TUSC3: variants seen among roughly 807,000 people sequenced by gnomAD.
TUSC3 encodes dolichyl-diphosphooligosaccharide--protein glycosyltransferase subunit TUSC3.
In TUSC3, 45 loss-of-function variants were observed where a neutral mutation model predicts 44.8. The ratio of observed to expected loss-of-function variants is 1.00; its 90% CI spans 0.79 to 1.29. TUSC3 has a LOEUF of 1.29. Among genes scored for constraint, TUSC3 ranks in the 50% most tolerant of loss-of-function variants. The pLI, the probability that TUSC3 is intolerant of heterozygous loss-of-function variation, is 0.00. For missense variants in TUSC3, 519 were observed against 437.9 expected, an observed-to-expected ratio of 1.19 and a Z score of -1.65; for synonymous variants, 212 against 152.9, an observed-to-expected ratio of 1.39 and a Z score of -2.85.
At chr8:15,750,936 T>G (rs1811671387) in intron 9 of TUSC3, among the ~76,000 whole-genome samples, 1 of 151,958 alleles carries the variant, frequency 6.6e-6, no homozygotes, top group Non-Finnish European at 1.5e-5. Flanking sequence ...ATGAAAACCC[T>G]AAGGAGGAGC....
At position 15,730,813 on chromosome 8, in the gene TUSC3, A is replaced by G; in HGVS notation, c.862+84A>G. 2.2e-6 allele frequency: 3 copies of G among 1,342,152 alleles called. No homozygotes were observed. The South Asian group carries it at 3.7e-5, about 16-fold the overall frequency. 83.1% of individuals were successfully genotyped at this position (1,342,152 alleles called of 1,614,324 possible). ...ATTGACATTTTTCCTGGCAGTAAAT[A>G]TCAAGACTTTTAAGAGACATTAAAT... On this transcript the variant is annotated intron_variant, in intron 7 of 10. Transcript: ENST00000503731.
chr8:15,560,361 G>C (rs1317214162), intron 1 of TUSC3, among the ~76,000 whole-genome samples: 1 of 137,152 alleles, frequency 7.3e-6, no homozygotes, highest in Non-Finnish European at 1.6e-5. Context: ...TAGGGTTTCT[G>C]CTGAGAGATC....
chr8:15,651,003 A>G, intron 3 of TUSC3, 189 bp downstream of exon 3: 1 of 563,674 alleles, frequency 1.8e-6, no homozygotes, highest in South Asian at 1.9e-5. Context: ...ACACACACAC[A>G]CACACACACA....
intron 1 of TUSC3, among the ~76,000 whole-genome samples, chr8:15,555,054 T>G (rs951089171): frequency 2.0e-5 from 3 of 150,694 alleles, no homozygotes; most frequent in Admixed American, 1.3e-4. Context: ...ATATAGAGAA[T>G]GTAAGGAATT....
At chr8:15,683,930 G>A (rs931032373) in intron 6 of TUSC3, among the ~76,000 whole-genome samples, 1 of 152,084 alleles carries the variant, frequency 6.6e-6, no homozygotes, top group Non-Finnish European at 1.5e-5. Context: ...GTTGTAAATA[G>A]GTTCCTGTGG....
At chr8:15,781,870 T>A in the TUSC3 span, among the ~76,000 whole-genome samples, 1 of 152,164 alleles carries the variant, frequency 6.6e-6, no homozygotes, top group African/African-American at 2.4e-5. Context: ...CGGTGGCTCA[T>A]GTCTGTAATC....
At chr8:15,646,255 A>G (rs1305163960) in intron 2 of TUSC3, among the ~76,000 whole-genome samples, 3 of 152,272 alleles carry the variant, frequency 2.0e-5, no homozygotes, top group East Asian at 3.9e-4. Flanking sequence ...AAGAATGGAC[A>G]TAGTATGTTC....
chr8:15,773,232 G>A, the TUSC3 span, among the ~76,000 whole-genome samples: 2 of 152,026 alleles, frequency 1.3e-5, no homozygotes, highest in Admixed American at 1.3e-4. Flanking sequence ...AAAGTAAAAC[G>A]AAGAATTTTT....
chr8:15,512,870 G>GTCTATA (rs371387088), intron 2 of TUSC3, among the ~76,000 whole-genome samples: 1 of 101,212 alleles, frequency 9.9e-6, no homozygotes, highest in Non-Finnish European at 2.1e-5. Flanking sequence ...ATATATGTGT[G>GTCTATA]TGTATATATA....
chr8:15,586,587 G>T (rs950831877), intron 1 of TUSC3, among the ~76,000 whole-genome samples: 1 of 152,132 alleles, frequency 6.6e-6, no homozygotes, highest in Non-Finnish European at 1.5e-5. Context: ...GATCAGGAGC[G>T]CTAGAGGTAA....
Position 15,764,037 on chromosome 8 carries a change from C to T in TUSC3, c.*47-166C>T, listed in dbSNP as rs61392851. 4.6e-5 allele frequency among the ~76,000 whole-genome samples: 7 copies of T among 152,128 alleles called. No homozygotes were observed. The East Asian group carries it at 1.4e-3, about 29-fold the overall frequency. Reference sequence around the variant, plus strand: ...AACCTAAGCCTCATCTGGTTAAAGGCACTAGTTTAGAAAAATTGCCCTGAT... The same window carrying T: ...AACCTAAGCCTCATCTGGTTAAAGGTACTAGTTTAGAAAAATTGCCCTGAT... On this transcript the variant is annotated intron_variant, in intron 10 of 10. Coordinates refer to ENST00000503731, the MANE Select transcript of TUSC3 (RefSeq NM_006765.4).
chr8:15,562,717 T>A (rs1329802433), intron 1 of TUSC3, among the ~76,000 whole-genome samples: 1 of 152,142 alleles, frequency 6.6e-6, no homozygotes, highest in Admixed American at 6.5e-5. Flanking sequence ...CTTGTGTTGC[T>A]CTCAGTTCTT....
the TUSC3 span, among the ~76,000 whole-genome samples, chr8:15,822,951 T>C: frequency 2.6e-5 from 4 of 152,112 alleles, no homozygotes; most frequent in Non-Finnish European, 4.4e-5. Context: ...ACTGACAGGT[T>C]CATTGGCCCT....
At chr8:15,431,211 C>T (rs1053384899) in intron 1 of TUSC3, among the ~76,000 whole-genome samples, 1 of 151,324 alleles carries the variant, frequency 6.6e-6, no homozygotes, top group Non-Finnish European at 1.5e-5. Context: ...TTTTCTATTT[C>T]TTTTTTTAAT....
intron 6 of TUSC3, among the ~76,000 whole-genome samples, chr8:15,681,521 C>T (rs1422197291): frequency 6.7e-6 from 1 of 148,954 alleles, no homozygotes; most frequent in Non-Finnish European, 1.5e-5. Context: ...GTAATGTCAC[C>T]TTTGTCATTT....
the TUSC3 span, among the ~76,000 whole-genome samples, chr8:15,771,791 T>TA: frequency 2.4e-4 from 36 of 151,640 alleles, no homozygotes; most frequent in Admixed American, 8.5e-4. Context: ...ATGTCTGTAT[T>TA]AAAAAAAAGA....
chr8:15,598,190 G>A (rs1428426673), intron 1 of TUSC3, among the ~76,000 whole-genome samples: 2 of 151,850 alleles, frequency 1.3e-5, no homozygotes, highest in Admixed American at 6.6e-5. Flanking sequence ...TCTCTTCCCT[G>A]TCCTTGCACT....
intron 2 of TUSC3, among the ~76,000 whole-genome samples, chr8:15,634,588 A>G (rs949836384): frequency 6.6e-6 from 1 of 152,216 alleles, no homozygotes; most frequent in African/African-American, 2.4e-5. Flanking sequence ...CTGGTTGAAG[A>G]TGGCAGATCC....
intron 1 of TUSC3, among the ~76,000 whole-genome samples, chr8:15,573,032 T>C (rs1331820790): frequency 6.6e-6 from 1 of 151,834 alleles, no homozygotes; most frequent in Non-Finnish European, 1.5e-5. Flanking sequence ...ATGACACCCA[T>C]AGAGTTGCTT....
Sources: gnomAD v4.1 joint callset for allele counts (sites outside exome capture counted in the v4.1 genomes callset) on GRCh38, gnomAD v4.1.1 for gene constraint, MANE v1.5 for transcripts, NCBI Gene and HGNC (gene_info 2026-07-23, HGNC 2026-07-21) for gene names.